RAB14: variants seen among roughly 807,000 people sequenced by gnomAD.
RAB14 encodes ras-related protein Rab-14.
A neutral mutation model predicts 31.1 loss-of-function variants in RAB14; 3 were observed. The observed-to-expected ratio is 0.10, with a 90% CI of 0.04 to 0.25. The LOEUF (loss-of-function observed/expected upper bound fraction) is 0.25. Among genes scored for constraint, RAB14 ranks in the 10% least tolerant of loss-of-function variants. The pLI is 1.00. For missense variants in RAB14, 111 were observed against 260.1 expected (o/e 0.43, Z 3.94); for synonymous variants, 85 against 84.9 (o/e 1.00, Z 0.00).
chr9:121,198,488 T>C (rs2053731045), intron 1 of RAB14, among the ~76,000 whole-genome samples: 1 of 152,240 alleles, frequency 6.6e-6, no homozygotes, highest in African/African-American at 2.4e-5. Context: ...GATGTTACTG[T>C]ATAATTTTTA....
chr9:121,200,654 C>A (rs1222663009), intron 1 of RAB14, among the ~76,000 whole-genome samples: 2 of 152,166 alleles, frequency 1.3e-5, no homozygotes. Flanking sequence ...GTTGTAACTA[C>A]ATTATAAATG....
At chr9:121,183,978 T>G (rs188455032) in intron 5 of RAB14, among the ~76,000 whole-genome samples, 96 of 152,262 alleles carry the variant, frequency 6.3e-4, no homozygotes, top group African/African-American at 2.2e-3. Flanking sequence ...AGTTCTGAGA[T>G]CCTCAAAAAG....
intron 1 of RAB14, among the ~76,000 whole-genome samples, chr9:121,201,136 A>C (rs2416819): frequency 1.3e-5 from 2 of 151,796 alleles, no homozygotes; most frequent in Non-Finnish European, 2.9e-5. Flanking sequence ...CCGAGACGCC[A>C]AGAGGGCTGC....
At position 121,187,022 on chromosome 9, in the gene RAB14, G is replaced by A; in HGVS notation, c.285-3C>T. 1.3e-6 allele frequency: 2 copies of A among 1,533,816 alleles called. No homozygotes were observed. Among genetic ancestry groups the A allele is most frequent in the Admixed American group, 2.0e-5 (1 of 49,348 alleles). On this transcript the variant is annotated splice_polypyrimidine_tract_variant and splice_region_variant and intron_variant, in intron 4 of 7. Transcript: ENST00000373840. Reference sequence around the variant, plus strand: ...TTAAGTGGTTATATGTACTTCTTCTGCAAAAATAAAAGTTTAAATTTGTGA... The same window carrying A: ...TTAAGTGGTTATATGTACTTCTTCTACAAAAATAAAAGTTTAAATTTGTGA...
At chr9:121,200,087 TC>T (rs755756166) in intron 1 of RAB14, among the ~76,000 whole-genome samples, 8 of 152,224 alleles carry the variant, frequency 5.3e-5, no homozygotes, top group Middle Eastern at 3.4e-3. Context: ...GGACACTGAG[TC>T]CGAAAGGTTA....
At position 121,181,564 on chromosome 9, in the gene RAB14, A is replaced by C. The variant is rs1439469702; in HGVS notation, c.480T>G (p.Asn160Lys). ...CAGCCTCAAGGAAGGCATCTTCTACATTCTCTCCCCTAAGAGGCAATTGAT... is the reference window on the plus strand; with the variant it reads ...CAGCCTCAAGGAAGGCATCTTCTACCTTCTCTCCCCTAAGAGGCAATTGAT... ...FLEASAKTGENVEDAFLEAAK... is the reference protein window; with the variant it reads ...FLEASAKTGEKVEDAFLEAAK... The change falls in exon 8 of 8, where the codon AAT (asparagine) becomes AAG (lysine). Residue 160 changes from asparagine to lysine, a missense_variant. Coordinates refer to ENST00000373840, the MANE Select transcript of RAB14 (RefSeq NM_016322.4). The C allele has an allele frequency of 6.2e-7, 1 of 1,610,108 alleles. No homozygotes were observed. The highest frequency in any genetic ancestry group is 8.5e-7 in the Non-Finnish European group (1 of 1,176,798).
intron 6 of RAB14, 126 bp from the exon 7 acceptor site, chr9:121,183,086 G>T: frequency 1.1e-6 from 1 of 951,950 alleles, no homozygotes; most frequent in Non-Finnish European, 1.6e-6. Context: ...TTATGAAAAA[G>T]TATGTAAGTT....
chr9:121,181,632 C>T lies in RAB14; in HGVS notation c.471-59G>A. 2.9e-6 allele frequency: 4 copies of T among 1,395,760 alleles called. No homozygotes were observed. In the Admixed American group the frequency reaches 7.6e-5, roughly 27 times the overall value. The allele number at this position is 1,395,760 out of a possible 1,614,324, so 86.5% of individuals were successfully genotyped here. ...ACAGTTTTCTACAAAAGACAAGACA[C>T]TGACCTTTTGCTAATCTTTAGTTAA... On this transcript the variant is annotated intron_variant, in intron 7 of 7. Coordinates refer to ENST00000373840, the MANE Select transcript of RAB14 (RefSeq NM_016322.4).
chr9:121,185,623 A>G (rs762535195), intron 5 of RAB14, among the ~76,000 whole-genome samples: 2 of 152,124 alleles, frequency 1.3e-5, no homozygotes, highest in African/African-American at 2.4e-5. Flanking sequence ...CAATTTTGTC[A>G]TTTTGAGAAT....
At chr9:121,199,889 T>C (rs959179897) in intron 1 of RAB14, among the ~76,000 whole-genome samples, 2 of 152,210 alleles carry the variant, frequency 1.3e-5, no homozygotes, top group African/African-American at 4.8e-5. Flanking sequence ...TAACTCTACA[T>C]GTAGCTCTCC....
chr9:121,191,838 C>A (rs1047614127), intron 3 of RAB14, among the ~76,000 whole-genome samples: 1 of 152,148 alleles, frequency 6.6e-6, no homozygotes, highest in Non-Finnish European at 1.5e-5. Flanking sequence ...ACAAATGATA[C>A]ATGCAGCAAA....
intron 5 of RAB14, among the ~76,000 whole-genome samples, chr9:121,183,686 G>A (rs1179525768): frequency 6.6e-6 from 1 of 152,034 alleles, no homozygotes; most frequent in Non-Finnish European, 1.5e-5. Flanking sequence ...TTCGTTGCTG[G>A]GTTTTTTTGT....
Position 121,178,755 on chromosome 9 carries a change from C to G in RAB14, c.*2641G>C, listed in dbSNP as rs2146837. On this transcript the variant is annotated 3_prime_UTR_variant, in exon 8 of 8. Transcript: ENST00000373840. Reference sequence around the variant, plus strand: ...CCATAAAAAAGACTTCAACATTGTACTGGAAGATCTATTTAAGCATAAATA... The same window carrying G: ...CCATAAAAAAGACTTCAACATTGTAGTGGAAGATCTATTTAAGCATAAATA... 0.39 allele frequency: 58,875 copies of G among 152,118 alleles called. 12,966 individuals are homozygous for G. The highest frequency in any genetic ancestry group is 0.65 in the South Asian group (3,134 of 4,820). The allele number at this position is 152,118 out of a possible 1,614,324, so 9.4% of individuals were successfully genotyped here.
At chr9:121,186,228 CTT>C (rs2053658369) in intron 5 of RAB14, among the ~76,000 whole-genome samples, 1 of 152,132 alleles carries the variant, frequency 6.6e-6, no homozygotes, top group African/African-American at 2.4e-5. Context: ...TGTAAAGCTG[CTT>C]TCTCTCCAGA....
At chr9:121,201,415 G>A (rs2053778206) in intron 1 of RAB14, among the ~76,000 whole-genome samples, 1 of 152,056 alleles carries the variant, frequency 6.6e-6, no homozygotes. Flanking sequence ...GGAGGCTCAG[G>A]CCGGAGCCGC....
chr9:121,193,331 G>T, intron 2 of RAB14, 30 bp downstream of exon 2: 1 of 1,439,542 alleles, frequency 6.9e-7, no homozygotes, highest in Non-Finnish European at 9.7e-7. Flanking sequence ...CCTTCTTTTG[G>T]GAACAAGAGT....
rs748642718 is a variant in RAB14 at position 121,181,415 on chromosome 9, C to T, written c.629G>A (p.Arg210Lys). ...GRLTSEPQPQ[R>K]EGCGC is the part of the protein sequence containing the mutation. ...AGGTCACTAGCAGCCACAGCCTTCT[C>T]TCTGGGGTTGGGGTTCACTGGTTAG... is the stretch of plus-strand genomic sequence containing the variant. Residue 210 changes from arginine (R) to lysine (K), a missense_variant, in exon 8 of 8, where the codon AGA becomes AAA. Arg to Lys is a conservative substitution (Grantham distance 26, BLOSUM62 2). Coordinates refer to ENST00000373840, the MANE Select transcript of RAB14 (RefSeq NM_016322.4). The T allele has an allele frequency of 1.2e-6, 2 of 1,602,894 alleles. No individual in the cohort carries two copies. The highest frequency in any genetic ancestry group is 4.5e-5 in the East Asian group (2 of 44,666).
intron 7 of RAB14, among the ~76,000 whole-genome samples, 151 bp downstream of exon 7, chr9:121,182,777 CAA>C (rs1381033019): frequency 6.6e-6 from 1 of 152,114 alleles, no homozygotes; most frequent in Non-Finnish European, 1.5e-5. Flanking sequence ...AAAAAGGAAG[CAA>C]AGAGATGTTT....
At chr9:121,200,972 T>C (rs979064636) in intron 1 of RAB14, among the ~76,000 whole-genome samples, 4 of 152,206 alleles carry the variant, frequency 2.6e-5, no homozygotes, top group Non-Finnish European at 5.9e-5. Context: ...AGATGCTCTG[T>C]AGGTTCAGGG....
Sources: allele counts gnomAD v4.1 joint callset (sites outside exome capture counted in the v4.1 genomes callset), GRCh38; gene constraint gnomAD v4.1.1; transcripts MANE v1.5; gene names NCBI Gene and HGNC (gene_info 2026-07-23, HGNC 2026-07-21).